Variants in CNTN4 observed in about 807,000 individuals in gnomAD.
The protein encoded by CNTN4 is contactin 4.
In CNTN4, 77 loss-of-function variants were observed where a neutral mutation model predicts 122.5. The observed-to-expected ratio is 0.63, with a 90% CI of 0.52 to 0.76. The LOEUF is 0.76. Among genes scored for constraint, CNTN4 ranks in the 30% least tolerant of loss-of-function variants. The probability of loss-of-function intolerance (pLI) is 0.00; values close to 1 mark genes in which losing one functional copy is unlikely to be tolerated. For synonymous variants in CNTN4, 512 were observed against 447.0 expected, an observed-to-expected ratio of 1.15 and a Z score of -1.83; for missense variants, 1,256 against 1,259.1, an observed-to-expected ratio of 1.00 and a Z score of 0.04.
intron 3 of CNTN4, among the ~76,000 whole-genome samples, chr3:2,386,187 A>G (rs1450799814): frequency 1.3e-5 from 2 of 151,878 alleles, no homozygotes; most frequent in Non-Finnish European, 2.9e-5. Context: ...ATGAGTGCTT[A>G]TTGAACTCAA....
chr3:2,432,641 T>A (rs1260666921), intron 3 of CNTN4, among the ~76,000 whole-genome samples: 3 of 151,940 alleles, frequency 2.0e-5, no homozygotes, highest in Admixed American at 2.0e-4. Context: ...TGTGTGTATG[T>A]ATGTGTATAT....
At chr3:3,030,626 G>A (rs1206328184) in intron 15 of CNTN4, among the ~76,000 whole-genome samples, 1 of 152,180 alleles carries the variant, frequency 6.6e-6, no homozygotes, top group African/African-American at 2.4e-5. Flanking sequence ...CTGCTCCAGA[G>A]ACTCAGAGAA....
chr3:2,619,025 G>A lies in CNTN4; in HGVS notation c.55+47467G>A, dbSNP rs914220445. 4.6e-5 allele frequency among the ~76,000 whole-genome samples: 7 copies of A among 152,106 alleles called. 1 individual carries two copies. Among genetic ancestry groups the A allele is most frequent in the Non-Finnish European group, 2.9e-5 (2 of 68,024 alleles). On this transcript the variant is annotated intron_variant, in intron 4 of 24. Coordinates refer to ENST00000418658, the MANE Select transcript of CNTN4 (RefSeq NM_175607.3). ...TTCCTTGACCTTATACCTCTCTGTTGTGCCTTCATAATAATGAGACAGTAG... is the reference window on the plus strand; with the variant it reads ...TTCCTTGACCTTATACCTCTCTGTTATGCCTTCATAATAATGAGACAGTAG...
At chr3:2,932,878 A>G (rs188502744) in intron 13 of CNTN4, among the ~76,000 whole-genome samples, 96 of 152,200 alleles carry the variant, frequency 6.3e-4, no homozygotes, top group African/African-American at 1.9e-3. Context: ...GCTGGAGGGC[A>G]GTGGCGCGAT....
chr3:2,707,878 C>T (rs550150834), intron 4 of CNTN4, among the ~76,000 whole-genome samples: 1 of 152,004 alleles, frequency 6.6e-6, no homozygotes, highest in Admixed American at 6.5e-5. Context: ...GAAGCATTTG[C>T]GAGTAAGGTA....
At chr3:2,942,288 G>A (rs904989112) in intron 13 of CNTN4, among the ~76,000 whole-genome samples, 1 of 152,270 alleles carries the variant, frequency 6.6e-6, no homozygotes, top group African/African-American at 2.4e-5. Flanking sequence ...AGAATTGTCA[G>A]TAGAAAAATA....
intron 6 of CNTN4, among the ~76,000 whole-genome samples, chr3:2,790,206 A>G (rs2091965753): frequency 6.6e-6 from 1 of 152,152 alleles, no homozygotes; most frequent in Non-Finnish European, 1.5e-5. Context: ...AGTTTGTTAG[A>G]TTTTCATCTT....
chr3:2,910,019 C>G (rs77173364), intron 12 of CNTN4, among the ~76,000 whole-genome samples: 2,507 of 152,258 alleles, frequency 0.016, 71 homozygotes, highest in African/African-American at 0.057. Context: ...ATCCGAAGTA[C>G]CCCTGTATGA....
At chr3:2,185,474 G>A (rs1187783912) in intron 2 of CNTN4, among the ~76,000 whole-genome samples, 3 of 151,980 alleles carry the variant, frequency 2.0e-5, no homozygotes, top group African/African-American at 4.8e-5. Flanking sequence ...TAGGGGATTC[G>A]AGCTCTTGCT....
intron 2 of CNTN4, among the ~76,000 whole-genome samples, chr3:2,227,292 A>G (rs1277100348): frequency 1.3e-5 from 2 of 152,192 alleles, no homozygotes; most frequent in Admixed American, 6.5e-5. Context: ...TAAAATATGG[A>G]TAGATTAGGA....
At chr3:2,874,845 ACT>A (rs1296877450) in intron 8 of CNTN4, among the ~76,000 whole-genome samples, 5 of 152,144 alleles carry the variant, frequency 3.3e-5, no homozygotes, top group Non-Finnish European at 7.4e-5. Context: ...GAATTGGCAA[ACT>A]CTTTCCCACA....
chr3:2,979,139 C>T (rs1169911999), intron 13 of CNTN4, among the ~76,000 whole-genome samples: 1 of 152,164 alleles, frequency 6.6e-6, no homozygotes, highest in South Asian at 2.1e-4. Flanking sequence ...GACTAGGCTG[C>T]AAACTTACCA....
intron 3 of CNTN4, among the ~76,000 whole-genome samples, chr3:2,470,276 C>T (rs2075639915): frequency 6.6e-6 from 1 of 152,020 alleles, no homozygotes; most frequent in Admixed American, 6.5e-5. Flanking sequence ...CGGGGTTTCA[C>T]CGTGTTAGCC....
chr3:2,618,937 A>G (rs138832912), intron 4 of CNTN4, among the ~76,000 whole-genome samples: 42 of 152,316 alleles, frequency 2.8e-4, no homozygotes, highest in African/African-American at 9.4e-4. Context: ...CCAACAGATC[A>G]TTGCAGAGAC....
At chr3:2,974,601 A>G (rs934461832) in intron 13 of CNTN4, among the ~76,000 whole-genome samples, 11 of 152,172 alleles carry the variant, frequency 7.2e-5, no homozygotes, top group African/African-American at 1.9e-4. Flanking sequence ...TAGTACATCA[A>G]TGTGGCCGAA....
intron 4 of CNTN4, among the ~76,000 whole-genome samples, chr3:2,622,449 G>A (rs1433510384): frequency 3.3e-5 from 5 of 152,142 alleles, no homozygotes; most frequent in African/African-American, 4.8e-5. Flanking sequence ...GTGCCACCAC[G>A]CCCAGCTAAT....
At chr3:3,021,657 G>A (rs1397316666) in intron 14 of CNTN4, among the ~76,000 whole-genome samples, 2 of 152,162 alleles carry the variant, frequency 1.3e-5, no homozygotes, top group Non-Finnish European at 2.9e-5. Flanking sequence ...GGCACCAAGT[G>A]AATATCTTGG....
intron 3 of CNTN4, among the ~76,000 whole-genome samples, chr3:2,470,215 T>A (rs2075637122): frequency 6.6e-6 from 1 of 152,104 alleles, no homozygotes; most frequent in Non-Finnish European, 1.5e-5. Flanking sequence ...TAGCTGAGAT[T>A]ACAGGCACAT....
chr3:2,581,035 C>T (rs1353434631), intron 4 of CNTN4, among the ~76,000 whole-genome samples: 2 of 152,138 alleles, frequency 1.3e-5, no homozygotes, highest in Non-Finnish European at 2.9e-5. Flanking sequence ...ATACTCTGAA[C>T]CAATGGTTAC....
Sources: allele counts gnomAD v4.1 joint callset (sites outside exome capture counted in the v4.1 genomes callset), GRCh38; gene constraint gnomAD v4.1.1; transcripts MANE v1.5; gene names NCBI Gene and HGNC (gene_info 2026-07-23, HGNC 2026-07-21).